The following AMELX variants were observed in gnomAD, a reference collection of about 807,000 sequenced individuals.
AMELX encodes the protein amelogenin, X isoform.
A neutral mutation model predicts 15.8 loss-of-function variants in AMELX; 9 were observed. The observed-to-expected ratio is 0.57, with a 90% CI of 0.34 to 0.99. The LOEUF (loss-of-function observed/expected upper bound fraction) is 0.99, where lower values mean the gene tolerates loss of function less well. AMELX is among the 50% of genes least tolerant of loss of function. AMELX has a pLI of 0.02. For synonymous variants in AMELX, 61 were observed against 58.8 expected (o/e 1.04, Z -0.17); for missense variants, 107 against 156.2 (o/e 0.68, Z 1.68).
At chrX:11,303,735 A>G (rs2048199845), downstream of AMELX, among the ~76,000 whole-genome samples, 1 of 111,755 alleles carries the variant, frequency 8.9e-6, no homozygotes, top group African/African-American at 3.3e-5. Flanking sequence ...CAGAAGCACA[A>G]AGCCGGCTTT....
the AMELX span, among the ~76,000 whole-genome samples, chrX:11,309,269 CA>C: frequency 9.0e-6 from 1 of 111,665 alleles, no homozygotes. Context: ...TACACCTCAG[CA>C]ATAGCAGCAG....
At chrX:11,299,108 C>A in intron 5 of AMELX, 135 bp downstream of exon 5, 2 of 822,317 alleles carry the variant, frequency 2.4e-6, no homozygotes, top group Non-Finnish European at 3.5e-6. Flanking sequence ...TCTATTAGTC[C>A]AAGCAATATG....
chrX:11,296,820 C>G lies in AMELX; in HGVS notation c.96C>G (p.Ser32Arg), dbSNP rs745846151. The change falls in exon 3 of 6, where the codon AGC becomes AGG. Residue 32 changes from serine (S) to arginine (R), a missense_variant. By Grantham distance (110) the Ser-to-Arg change is moderately radical. Coordinates refer to ENST00000380714, the MANE Select transcript of AMELX (RefSeq NM_001142.2). ...GGCACCCTGGTTATATCAACTTCAG[C>G]TATGAGGTAATTTTTCTCTTTACTA... ...HPGHPGYINFSYEVLTPLKWY... is the reference protein window; with the variant it reads ...HPGHPGYINFRYEVLTPLKWY... The G allele has an allele frequency of 8.3e-7, 1 of 1,208,866 alleles. No individual in the cohort carries two copies. Among genetic ancestry groups the G allele is most frequent in the East Asian group, 3.0e-5 (1 of 33,726 alleles).
At chrX:11,300,548 T>G (rs1267754490) in intron 5 of AMELX, 59 bp from the exon 6 acceptor site, 12 of 991,002 alleles carry the variant, frequency 1.2e-5, no homozygotes, top group Non-Finnish European at 1.7e-5. Context: ...TTATTGTAAA[T>G]GGTACTCACT....
chrX:11,295,910 C>A (rs1318194110), intron 2 of AMELX, among the ~76,000 whole-genome samples: 1 of 111,937 alleles, frequency 8.9e-6, no homozygotes, highest in Non-Finnish European at 1.9e-5. Context: ...GACCGTCTCT[C>A]CTCCCTGGAC....
At chrX:11,307,566 C>A in the AMELX span, among the ~76,000 whole-genome samples, 1 of 112,549 alleles carries the variant, frequency 8.9e-6, no homozygotes, top group African/African-American at 3.2e-5. Flanking sequence ...CATCTTCTCC[C>A]TGTGATTAGG....
At chrX:11,304,818 C>G (rs1377405029), downstream of AMELX, among the ~76,000 whole-genome samples, 1 of 72,585 alleles carries the variant, frequency 1.4e-5, no homozygotes, top group Non-Finnish European at 2.4e-5. Flanking sequence ...GATGGAGTCT[C>G]GCTCTGTCGC....
downstream of AMELX, among the ~76,000 whole-genome samples, chrX:11,302,918 CT>C (rs1410049875): frequency 1.8e-5 from 2 of 112,035 alleles, no homozygotes; most frequent in Non-Finnish European, 3.8e-5. Flanking sequence ...AAAATACAGA[CT>C]TTTCTCTAAA....
chrX:11,303,062 G>T (rs1484143009), downstream of AMELX, among the ~76,000 whole-genome samples: 1 of 112,395 alleles, frequency 8.9e-6, no homozygotes, highest in Non-Finnish European at 1.9e-5. Context: ...AGAGATCCTA[G>T]TATGAACAGC....
chrX:11,308,998 G>A, the AMELX span, among the ~76,000 whole-genome samples: 2 of 111,966 alleles, frequency 1.8e-5, no homozygotes, highest in Admixed American at 1.9e-4. Flanking sequence ...CAGAGGCAGT[G>A]TGACTGTCAT....
downstream of AMELX, among the ~76,000 whole-genome samples, chrX:11,300,921 A>G (rs2048166110): frequency 8.9e-6 from 1 of 112,263 alleles, no homozygotes; most frequent in South Asian, 3.7e-4. Context: ...GAGAAAATTT[A>G]AATTATACTG....
In AMELX at chrX:11,294,819, C is replaced by A. The variant is rs2048054352; in HGVS notation, c.31C>A (p.Leu11Met). 1.7e-6 allele frequency: 2 copies of A among 1,210,059 alleles called. No individual in the cohort carries two copies. Among genetic ancestry groups the A allele is most frequent in the Non-Finnish European group, 2.2e-6 (2 of 895,191 alleles). Residue 11 changes from leucine to methionine, a missense_variant, in exon 2 of 6, where the codon CTG (leucine) becomes ATG (methionine). Coordinates refer to ENST00000380714, the MANE Select transcript of AMELX (RefSeq NM_001142.2). Reference sequence around the variant, plus strand: ...GACCTGGATTTTATTTGCCTGCCTCCTGGGAGCAGCTTTTGCCATGCCTGT... The same window carrying A: ...GACCTGGATTTTATTTGCCTGCCTCATGGGAGCAGCTTTTGCCATGCCTGT... The part of the protein sequence containing the change: MGTWILFACL[L>M]GAAFAMPLPP...
At chrX:11,294,309 C>T (rs371560520) in intron 1 of AMELX, among the ~76,000 whole-genome samples, 2 of 112,084 alleles carry the variant, frequency 1.8e-5, no homozygotes, top group African/African-American at 6.5e-5. Context: ...ATGATTAGTC[C>T]TTGTTTTTAA....
rs775163233 is a variant in AMELX at position 11,296,753 on chromosome X, T to C, written c.55-26T>C. On this transcript the variant is annotated intron_variant, in intron 2 of 5. Coordinates refer to ENST00000380714, the MANE Select transcript of AMELX (RefSeq NM_001142.2). ...CTCTCTCCCTTCCTCTCTCTTTCTA[T>C]TCTCCTCCCCTCCTCCCTGTAAAAG... The C allele has an allele frequency of 8.4e-6, 10 of 1,190,056 alleles. No individual in the cohort carries two copies. The Admixed American group carries it at 2.2e-4, about 26-fold the overall frequency.
At position 11,294,770 on chromosome X, in the gene AMELX, A is replaced by G; in HGVS notation, c.-12-7A>G. 8.3e-7 allele frequency: 1 copy of G among 1,210,835 alleles called. No homozygotes were observed. The highest frequency in any genetic ancestry group is 1.8e-5 in the South Asian group (1 of 56,961). On this transcript the variant is annotated splice_region_variant and splice_polypyrimidine_tract_variant and intron_variant, in intron 1 of 5. Transcript: ENST00000380714. The stretch of plus-strand genomic sequence containing the variant: ...ATAAGAAAAGTGGATGTTGACTTAC[A>G]TTTCAGAACCATCAAGAAATGGGGA...
Position 11,298,579 on chromosome X carries a change from G to T in AMELX, c.176G>T (p.Gly59Val). The change falls in exon 5 of 6, where the codon GGA becomes GTA. Residue 59 changes from glycine (G) to valine (V), a missense_variant. Transcript: ENST00000380714. ...YPSYGYEPMG[G>V]WLHHQIIPVL... ...TCCTATGGTTACGAGCCCATGGGTG[G>T]ATGGCTGCACCACCAAATCATCCCC... 5.0e-6 allele frequency: 6 copies of T among 1,211,159 alleles called. No homozygotes were observed. The highest frequency in any genetic ancestry group is 6.7e-6 in the Non-Finnish European group (6 of 895,445).
At chrX:11,294,970 T>C (rs760714398) in intron 2 of AMELX, 128 bp downstream of exon 2, 103 of 752,409 alleles carry the variant, frequency 1.4e-4, no homozygotes, top group African/African-American at 1.1e-3. Context: ...TGTCTCTGGG[T>C]TGAAGAAACA....
intron 5 of AMELX, among the ~76,000 whole-genome samples, chrX:11,300,207 A>T: frequency 8.9e-6 from 1 of 111,991 alleles, no homozygotes; most frequent in Non-Finnish European, 1.9e-5. Context: ...ATTTATGGAA[A>T]GGTGACTTTG....
the AMELX span, among the ~76,000 whole-genome samples, chrX:11,307,079 C>T: frequency 9.0e-6 from 1 of 110,854 alleles, no homozygotes; most frequent in Non-Finnish European, 1.9e-5. Context: ...AACAAAGAAA[C>T]GCAAGTCCAG....
Sources: allele counts gnomAD v4.1 joint callset (sites outside exome capture counted in the v4.1 genomes callset), GRCh38; gene constraint gnomAD v4.1.1; transcripts MANE v1.5; gene names NCBI Gene and HGNC (gene_info 2026-07-23, HGNC 2026-07-21).